NRG3: variants seen among roughly 807,000 people sequenced by gnomAD.
The protein encoded by NRG3 is neuregulin 3, also known as pro-neuregulin-3, membrane-bound isoform.
NRG3 carries 31 observed loss-of-function variants against 66.9 expected under a neutral mutation model. The ratio of observed to expected loss-of-function variants is 0.46; its 90% CI spans 0.35 to 0.63. The LOEUF (loss-of-function observed/expected upper bound fraction) is 0.63, where lower values mean the gene tolerates loss of function less well. NRG3 is among the 20% of genes least tolerant of loss of function. The pLI is 0.00. For synonymous variants in NRG3, 393 were observed against 359.4 expected (o/e 1.09, Z -1.06); for missense variants, 910 against 878.9 (o/e 1.04, Z -0.45).
chr10:82,059,930 C>A (rs1025654590), intron 1 of NRG3, among the ~76,000 whole-genome samples: 1 of 152,152 alleles, frequency 6.6e-6, no homozygotes, highest in Non-Finnish European at 1.5e-5. Flanking sequence ...GTATAGAAAT[C>A]ATGGGTACTG....
chr10:82,095,034 A>AT (rs940996542), intron 1 of NRG3, among the ~76,000 whole-genome samples: 110 of 152,084 alleles, frequency 7.2e-4, no homozygotes, highest in Admixed American at 2.1e-3. Context: ...AATTTATACA[A>AT]TTTTTTTTAA....
Position 82,106,782 on chromosome 10 carries a change from C to T in NRG3, c.823+230619C>T, listed in dbSNP as rs114711894. ...CGGCCTCCAAAAGTACTGGGATTTACAGGTGCGAGCCACTGCACCTGGCTT... is the reference window on the plus strand; with the variant it reads ...CGGCCTCCAAAAGTACTGGGATTTATAGGTGCGAGCCACTGCACCTGGCTT... On this transcript the variant is annotated intron_variant, in intron 1 of 8. Coordinates refer to ENST00000372141, the MANE Select transcript of NRG3 (RefSeq NM_001010848.4). Among the ~76,000 whole-genome samples the T allele has an allele frequency of 1.6e-3, 247 of 152,246 alleles. 1 individual carries two copies. Among genetic ancestry groups the T allele is most frequent in the African/African-American group, 5.1e-3 (213 of 41,560 alleles).
chr10:82,361,403 C>A (rs943667437), intron 2 of NRG3, among the ~76,000 whole-genome samples: 1 of 152,170 alleles, frequency 6.6e-6, no homozygotes, highest in African/African-American at 2.4e-5. Context: ...GAATAAATCA[C>A]ACATCACATG....
At chr10:82,676,927 A>G (rs961770837) in intron 2 of NRG3, among the ~76,000 whole-genome samples, 4 of 152,060 alleles carry the variant, frequency 2.6e-5, no homozygotes, top group Non-Finnish European at 4.4e-5. Context: ...GAAAACTTCA[A>G]TCAGACCTCT....
At chr10:82,473,882 C>T (rs572876943) in intron 2 of NRG3, among the ~76,000 whole-genome samples, 1 of 152,150 alleles carries the variant, frequency 6.6e-6, no homozygotes, top group African/African-American at 2.4e-5. Context: ...ACGTGAAGAC[C>T]CCTGAGACAA....
intron 2 of NRG3, among the ~76,000 whole-genome samples, chr10:82,736,084 T>C (rs969849273): frequency 1.3e-5 from 2 of 152,172 alleles, no homozygotes; most frequent in Non-Finnish European, 2.9e-5. Flanking sequence ...AATTTTTTCT[T>C]ATTCTTGTGT....
chr10:82,580,015 A>T (rs1418103443), intron 2 of NRG3, among the ~76,000 whole-genome samples: 5 of 151,970 alleles, frequency 3.3e-5, no homozygotes, highest in African/African-American at 1.2e-4. Flanking sequence ...AGTCACTTTT[A>T]TAAAATGGCA....
chr10:82,349,304 G>A (rs1341907625), intron 1 of NRG3, among the ~76,000 whole-genome samples: 2 of 152,024 alleles, frequency 1.3e-5, no homozygotes, highest in African/African-American at 4.8e-5. Flanking sequence ...TCAGCTGCAG[G>A]TCTGTTGGAA....
At chr10:82,482,712 T>G (rs561140381) in intron 2 of NRG3, among the ~76,000 whole-genome samples, 1 of 152,266 alleles carries the variant, frequency 6.6e-6, no homozygotes, top group Admixed American at 6.5e-5. Flanking sequence ...TATCTTGATG[T>G]TTCAAGTGCT....
intron 1 of NRG3, among the ~76,000 whole-genome samples, chr10:82,150,526 C>CAAAAAAAAAAAAAAAAAAAAAAAAAGAAA (rs2070637635): frequency 5.8e-5 from 1 of 17,154 alleles, no homozygotes; most frequent in African/African-American, 1.5e-4. Context: ...AAAAAGAGCA[C>CAAAAAAAAAAAAAAAAAAAAAAAAAGAAA]ACACAAAAAA....
intron 3 of NRG3, among the ~76,000 whole-genome samples, chr10:82,798,231 A>C (rs2060885824): frequency 6.6e-6 from 1 of 152,216 alleles, no homozygotes; most frequent in South Asian, 2.1e-4. Context: ...TGGGTAAATG[A>C]AACAATCCTG....
chr10:82,278,216 T>C (rs1193823143), intron 1 of NRG3, among the ~76,000 whole-genome samples: 3 of 152,088 alleles, frequency 2.0e-5, no homozygotes, highest in South Asian at 4.1e-4. Context: ...ACATATTTTT[T>C]TTTAAAGCGT....
chr10:82,781,518 A>G (rs2060117071), intron 3 of NRG3, among the ~76,000 whole-genome samples: 1 of 152,136 alleles, frequency 6.6e-6, no homozygotes, highest in Non-Finnish European at 1.5e-5. Context: ...GGCTTAAACC[A>G]TATCACCAGA....
chr10:82,379,910 C>CAAAAAAAAAA (rs11423046), intron 2 of NRG3, among the ~76,000 whole-genome samples: 7 of 78,482 alleles, frequency 8.9e-5, no homozygotes, highest in African/African-American at 1.3e-4. Flanking sequence ...ATGAACAATC[C>CAAAAAAAAAA]AAAAAAAAAA....
At chr10:82,943,080 T>C (rs574375178) in intron 4 of NRG3, among the ~76,000 whole-genome samples, 4 of 152,310 alleles carry the variant, frequency 2.6e-5, no homozygotes, top group South Asian at 2.1e-4. Flanking sequence ...TAGTTTTGCA[T>C]ATGGGAGTAG....
chr10:82,703,492 A>T (rs1038719716), intron 2 of NRG3, among the ~76,000 whole-genome samples: 1 of 152,280 alleles, frequency 6.6e-6, no homozygotes, highest in Admixed American at 6.5e-5. Context: ...CAGGAATAAC[A>T]TGTCAGCACT....
intron 1 of NRG3, among the ~76,000 whole-genome samples, chr10:82,183,308 C>G (rs760972920): frequency 6.6e-6 from 1 of 151,900 alleles, no homozygotes; most frequent in Non-Finnish European, 1.5e-5. Flanking sequence ...CCATAAGTCA[C>G]TTGGGCTTTC....
At chr10:82,588,490 G>A (rs1287434223) in intron 2 of NRG3, among the ~76,000 whole-genome samples, 5 of 151,934 alleles carry the variant, frequency 3.3e-5, no homozygotes, top group African/African-American at 1.2e-4. Flanking sequence ...GCAGAACTGT[G>A]AACCAATTGA....
chr10:82,908,311 C>G (rs1844955530), intron 4 of NRG3, among the ~76,000 whole-genome samples: 1 of 152,090 alleles, frequency 6.6e-6, no homozygotes, highest in Admixed American at 6.5e-5. Flanking sequence ...GCAGTGAGTC[C>G]ACAAGTATGT....
Sources: allele counts gnomAD v4.1 joint callset (sites outside exome capture counted in the v4.1 genomes callset), GRCh38; gene constraint gnomAD v4.1.1; transcripts MANE v1.5; gene names NCBI Gene and HGNC (gene_info 2026-07-23, HGNC 2026-07-21).